Variants in DISC1 observed in about 807,000 individuals in gnomAD.
DISC1 encodes DISC1 scaffold protein.
Under a neutral mutation model 84.5 loss-of-function variants are expected in DISC1, and 57 were observed. The ratio of observed to expected loss-of-function variants is 0.67; its 90% CI spans 0.55 to 0.84. DISC1 has a LOEUF of 0.84. Ranked by LOEUF, DISC1 falls within the 40% of genes least tolerant of loss-of-function variation. DISC1 has a pLI of 0.00. For synonymous variants in DISC1, 411 were observed against 415.2 expected, an observed-to-expected ratio of 0.99 and a Z score of 0.12; for missense variants, 1,000 against 1,057.8, an observed-to-expected ratio of 0.95 and a Z score of 0.76.
At chr1:231,974,839 G>A (rs555669245) in intron 10 of DISC1, among the ~76,000 whole-genome samples, 2 of 152,148 alleles carry the variant, frequency 1.3e-5, no homozygotes, top group Admixed American at 6.5e-5. Flanking sequence ...GGTGGCTCAC[G>A]CCTGTAATCC....
At chr1:231,861,346 T>A (rs2084629903) in intron 9 of DISC1, among the ~76,000 whole-genome samples, 1 of 151,498 alleles carries the variant, frequency 6.6e-6, no homozygotes, top group Non-Finnish European at 1.5e-5. Context: ...ACCAGGCTAG[T>A]CTTGAACTCC....
chr1:231,799,663 G>A (rs998501510), intron 7 of DISC1, among the ~76,000 whole-genome samples: 5 of 151,806 alleles, frequency 3.3e-5, no homozygotes, highest in African/African-American at 1.2e-4. Flanking sequence ...GGATTCGGCA[G>A]AGGCCTGGAG....
At chr1:232,006,929 C>T (rs1207019974) in intron 10 of DISC1, among the ~76,000 whole-genome samples, 2 of 152,138 alleles carry the variant, frequency 1.3e-5, no homozygotes, top group Non-Finnish European at 2.9e-5. Context: ...TTGGTGCCCT[C>T]TGTCCCACAC....
chr1:231,803,933 C>G (rs1039555858), intron 8 of DISC1, among the ~76,000 whole-genome samples: 3 of 105,478 alleles, frequency 2.8e-5, no homozygotes, highest in Non-Finnish European at 5.1e-5. Context: ...GGTGACAGAG[C>G]AAGACTCCGT....
rs143586370 is a variant in DISC1, at chr1:231,719,874, A to G, written c.1117+17850A>G. Among the ~76,000 whole-genome samples the G allele has an allele frequency of 4.4e-4, 67 of 152,346 alleles. 1 individual carries two copies. The East Asian group carries it at 9.6e-3, about 22-fold the overall frequency. ...ACTTTTTCATATGTCACAGTAGACA[A>G]ACAAAGTTATTTTCCGTCACAGCCA... On this transcript the variant is annotated intron_variant, in intron 3 of 12. Coordinates refer to ENST00000439617, the MANE Select transcript of DISC1 (RefSeq NM_018662.3).
At chr1:231,822,757 A>G (rs1032253202) in intron 9 of DISC1, among the ~76,000 whole-genome samples, 4 of 152,210 alleles carry the variant, frequency 2.6e-5, no homozygotes, top group Admixed American at 2.0e-4. Context: ...GCATAGTGCC[A>G]ACATCTGCTT....
intron 11 of DISC1, among the ~76,000 whole-genome samples, chr1:232,021,507 T>C (rs1668963306): frequency 6.6e-6 from 1 of 152,224 alleles, no homozygotes; most frequent in Admixed American, 6.5e-5. Flanking sequence ...CTAATGGCCA[T>C]AGTGCCCTGC....
At chr1:231,928,039 G>A (rs1445888288) in intron 9 of DISC1, among the ~76,000 whole-genome samples, 1 of 152,232 alleles carries the variant, frequency 6.6e-6, no homozygotes, top group African/African-American at 2.4e-5. Context: ...AAGTGAGCAT[G>A]CACTCTGATT....
chr1:231,642,353 C>T (rs2059792426), intron 1 of DISC1, among the ~76,000 whole-genome samples: 1 of 152,248 alleles, frequency 6.6e-6, no homozygotes, highest in Non-Finnish European at 1.5e-5. Context: ...AAGGGGCTCC[C>T]ACAGTGCAGC....
At chr1:231,679,792 G>A (rs2063511274) in intron 1 of DISC1, among the ~76,000 whole-genome samples, 1 of 152,138 alleles carries the variant, frequency 6.6e-6, no homozygotes. Flanking sequence ...GGTATTAATT[G>A]GTTTAAACAG....
At chr1:231,885,127 AT>A (rs2086589741) in intron 9 of DISC1, among the ~76,000 whole-genome samples, 1 of 152,228 alleles carries the variant, frequency 6.6e-6, no homozygotes, top group African/African-American at 2.4e-5. Context: ...CATAACAGAC[AT>A]TTTTAATAAA....
intron 9 of DISC1, among the ~76,000 whole-genome samples, chr1:231,823,173 T>C (rs78910305): frequency 0.018 from 2,692 of 152,306 alleles, 37 homozygotes; most frequent in Non-Finnish European, 0.025. Context: ...TCCTGTGAGT[T>C]ACAAGTTCTG....
intron 1 of DISC1, among the ~76,000 whole-genome samples, chr1:231,663,418 C>T (rs937485032): frequency 8.5e-5 from 13 of 152,314 alleles, no homozygotes; most frequent in African/African-American, 2.9e-4. Flanking sequence ...ATGATTTCCA[C>T]ATCACTTTGA....
At chr1:231,816,602 G>GA (rs2081007439) in intron 8 of DISC1, among the ~76,000 whole-genome samples, 1 of 152,094 alleles carries the variant, frequency 6.6e-6, no homozygotes, top group Non-Finnish European at 1.5e-5. Flanking sequence ...TTTGAGGTAT[G>GA]AATCAAGGTT....
At chr1:231,867,302 A>C (rs1465128036) in intron 9 of DISC1, among the ~76,000 whole-genome samples, 2 of 152,248 alleles carry the variant, frequency 1.3e-5, no homozygotes, top group Non-Finnish European at 2.9e-5. Context: ...AAAGATTTAA[A>C]GAAAGTAATT....
intron 6 of DISC1, 73 bp from the exon 7 acceptor site, chr1:231,795,169 C>G: frequency 7.0e-7 from 1 of 1,425,306 alleles, no homozygotes; most frequent in Non-Finnish European, 9.9e-7. Flanking sequence ...TCACTTTTTG[C>G]AGTGTTCCTA....
intron 6 of DISC1, among the ~76,000 whole-genome samples, chr1:231,781,600 T>G (rs536000556): frequency 6.6e-6 from 1 of 152,354 alleles, no homozygotes; most frequent in Non-Finnish European, 1.5e-5. Context: ...TCCTAGTCGA[T>G]TTCAACTTTT....
At chr1:231,895,933 C>T (rs1181524075) in intron 9 of DISC1, among the ~76,000 whole-genome samples, 1 of 152,182 alleles carries the variant, frequency 6.6e-6, no homozygotes, top group Admixed American at 6.5e-5. Flanking sequence ...ATGCTGCTCC[C>T]TGGTCTAGAA....
chr1:231,998,087 A>G (rs1666184252), intron 10 of DISC1, among the ~76,000 whole-genome samples: 1 of 152,244 alleles, frequency 6.6e-6, no homozygotes. Context: ...TCAAATGGAA[A>G]ATCAAAGAAT....
Sources: allele counts gnomAD v4.1 joint callset (sites outside exome capture counted in the v4.1 genomes callset), GRCh38; gene constraint gnomAD v4.1.1; transcripts MANE v1.5; gene names NCBI Gene and HGNC (gene_info 2026-07-23, HGNC 2026-07-21).